BCAR1: variants seen among roughly 807,000 people sequenced by gnomAD.
The protein encoded by BCAR1 is BCAR1 scaffold protein, Cas family member.
Under a neutral mutation model 67.6 loss-of-function variants are expected in BCAR1, and 30 were observed. The observed-to-expected ratio is 0.44, with a 90% CI of 0.33 to 0.60. BCAR1 has a LOEUF of 0.60. BCAR1 is among the 20% of genes least tolerant of loss of function. The pLI is 0.02. For synonymous variants in BCAR1, 626 were observed against 556.7 expected, an observed-to-expected ratio of 1.12 and a Z score of -1.75; for missense variants, 1,313 against 1,222.3, an observed-to-expected ratio of 1.07 and a Z score of -1.11.
At chr16:75,255,445 A>G (rs1037860023), upstream of BCAR1, among the ~76,000 whole-genome samples, 3 of 152,222 alleles carry the variant, frequency 2.0e-5, no homozygotes, top group Non-Finnish European at 4.4e-5. Flanking sequence ...AACCAAGGCA[A>G]GGCTGGGCAA....
chr16:75,235,351 G>A lies in BCAR1; in HGVS notation c.1548C>T (p.His516=), dbSNP rs753840727. 50 of 1,602,024 alleles carry A rather than the reference G, an allele frequency of 3.1e-5. No homozygotes were observed. Among genetic ancestry groups the A allele is most frequent in the Middle Eastern group, 3.3e-4 (2 of 6,044 alleles). The change falls in exon 5 of 7, where the codon CAC becomes CAT. Residue 516 remains histidine, a synonymous_variant. Coordinates refer to ENST00000162330, the MANE Select transcript of BCAR1 (RefSeq NM_014567.5). The part of the protein sequence containing the change: ...AAVAAVQSAV[H]ELLEFARSAV... Reference sequence around the variant, plus strand: ...CGCTGCGGGCAAACTCCAACAGCTCGTGGACGGCACTCTGGACAGCGGCCA... The same window carrying A: ...CGCTGCGGGCAAACTCCAACAGCTCATGGACGGCACTCTGGACAGCGGCCA...
At position 75,248,187 on chromosome 16, in the gene BCAR1, G is replaced by A. The variant is rs765032779; in HGVS notation, c.12+3284C>T. Reference sequence around the variant, plus strand: ...TGGGTGGCTCCACTTTATCTCCACCGAGGGGTGACGCCTGGGTTCGTGGAA... The same window carrying A: ...TGGGTGGCTCCACTTTATCTCCACCAAGGGGTGACGCCTGGGTTCGTGGAA... On this transcript the variant is annotated intron_variant, in intron 1 of 6. Coordinates refer to ENST00000162330, the MANE Select transcript of BCAR1 (RefSeq NM_014567.5). 1.5e-5 allele frequency: 23 copies of A among 1,570,170 alleles called. 1 individual carries two copies. The highest frequency in any genetic ancestry group is 2.3e-5 in the South Asian group (2 of 86,450).
Position 75,235,782 on chromosome 16 carries a change from C to G in BCAR1, c.1117G>C (p.Asp373His), listed in dbSNP as rs751004421. The G allele has an allele frequency of 6.3e-7, 1 of 1,593,824 alleles. No homozygotes were observed. Among genetic ancestry groups the G allele is most frequent in the Non-Finnish European group, 8.6e-7 (1 of 1,169,212 alleles). The change falls in exon 5 of 7, where the codon GAC becomes CAC. Residue 373 changes from aspartate to histidine, a missense_variant. Coordinates refer to ENST00000162330, the MANE Select transcript of BCAR1 (RefSeq NM_014567.5). Reference protein sequence around the residue: ...DVPPPAPDLYDVPPGLRRPGP... With the variant: ...DVPPPAPDLYHVPPGLRRPGP... ...GGCCGCCGCAAGCCAGGGGGCACGT[C>G]GTAGAGGTCAGGAGCCGGGGGCGGC...
At chr16:75,240,428 G>C (rs527647134) in intron 2 of BCAR1, among the ~76,000 whole-genome samples, 1 of 152,308 alleles carries the variant, frequency 6.6e-6, no homozygotes, top group Non-Finnish European at 1.5e-5. Flanking sequence ...CAGCAGAGGG[G>C]GCAACCCAGC....
intron 6 of BCAR1, among the ~76,000 whole-genome samples, chr16:75,232,765 G>A (rs987386210): frequency 6.6e-6 from 1 of 152,122 alleles, no homozygotes; most frequent in African/African-American, 2.4e-5. Context: ...GTACTTCCCA[G>A]GCATCTTCCA....
chr16:75,261,180 A>T (rs1597286262), intron 1 of BCAR1, among the ~76,000 whole-genome samples: 1 of 152,210 alleles, frequency 6.6e-6, no homozygotes, highest in South Asian at 2.1e-4. Flanking sequence ...GAGGGAGACA[A>T]TGGCCCAGCA....
chr16:75,254,465 C>G (rs2077737261), upstream of BCAR1, among the ~76,000 whole-genome samples: 1 of 152,222 alleles, frequency 6.6e-6, no homozygotes, highest in Non-Finnish European at 1.5e-5. Flanking sequence ...AGAGGTGGCC[C>G]TCATGGGATA....
In BCAR1 at chr16:75,250,536, G is replaced by A. The variant is rs945194188; in HGVS notation, c.12+935C>T. Reference sequence around the variant, plus strand: ...GGGAAAGGAAACCAGGGACTCTCAGGAGGGAACGGGAGCCTTGTGGTAGAA... The same window carrying A: ...GGGAAAGGAAACCAGGGACTCTCAGAAGGGAACGGGAGCCTTGTGGTAGAA... On this transcript the variant is annotated intron_variant, in intron 1 of 6. Transcript: ENST00000162330. 5 of 695,830 alleles carry A rather than the reference G, an allele frequency of 7.2e-6. No homozygotes were observed. The African/African-American group carries it at 9.7e-5, about 14-fold the overall frequency. 43.1% of individuals were successfully genotyped at this position (695,830 alleles called of 1,614,324 possible).
chr16:75,241,951 G>A (rs2077356306), intron 2 of BCAR1, among the ~76,000 whole-genome samples: 1 of 152,136 alleles, frequency 6.6e-6, no homozygotes, highest in Non-Finnish European at 1.5e-5. Flanking sequence ...CAGGGGCAGC[G>A]TCCTCCCAGG....
chr16:75,262,214 G>A (rs1382845652), intron 1 of BCAR1, among the ~76,000 whole-genome samples: 2 of 152,188 alleles, frequency 1.3e-5, no homozygotes, highest in Non-Finnish European at 2.9e-5. Context: ...CTCTGCACGG[G>A]GATACAGCCA....
At chr16:75,266,784 A>G in intron 1 of BCAR1, 2 of 1,440,498 alleles carry the variant, frequency 1.4e-6, no homozygotes, top group South Asian at 1.4e-5. Flanking sequence ...GAGCATCTAG[A>G]GCAAGTGGGG....
chr16:75,233,843 C>A lies in BCAR1; in HGVS notation c.2100+3G>T, dbSNP rs1043566954. On this transcript the variant is annotated splice_donor_region_variant and intron_variant, in intron 6 of 6. Coordinates refer to ENST00000162330, the MANE Select transcript of BCAR1 (RefSeq NM_014567.5). ...TGGGCCTTGCTCTGCTCCGGGGCCT[C>A]ACCTGCTGCAACTCCAGCTGGCTCT... 6 of 1,600,960 alleles carry A rather than the reference C, an allele frequency of 3.7e-6. No individual in the cohort carries two copies. In the African/African-American group the frequency reaches 8.0e-5, roughly 21 times the overall value.
chr16:75,251,619 C>T lies in BCAR1; in HGVS notation c.-137G>A. The T allele has an allele frequency of 2.0e-6, 2 of 1,011,262 alleles. No individual in the cohort carries two copies. Among genetic ancestry groups the T allele is most frequent in the Non-Finnish European group, 1.2e-6 (1 of 848,110 alleles). The allele number at this position is 1,011,262 out of a possible 1,614,324, so 62.6% of individuals were successfully genotyped here. A position where few individuals can be genotyped will look rare whatever the true frequency, so the allele number is the denominator to read the frequency against. On this transcript the variant is annotated 5_prime_UTR_variant, in exon 1 of 7. Coordinates refer to ENST00000162330, the MANE Select transcript of BCAR1 (RefSeq NM_014567.5). The stretch of plus-strand genomic sequence containing the variant: ...AGCTGCCGCCTCGGCCACCCAGAGC[C>T]GGTCCAGCCGCTCTCCGCCTGCCGC...
At chr16:75,252,292 C>T, upstream of BCAR1, 3 of 1,536,690 alleles carry the variant, frequency 2.0e-6, no homozygotes, top group Non-Finnish European at 2.6e-6. Flanking sequence ...GCTGATCTGC[C>T]TCCTCTCATT....
Position 75,235,402 on chromosome 16 carries a change from C to T in BCAR1, c.1497G>A (p.Pro499=), listed in dbSNP as rs200154768. The change falls in exon 5 of 7, where the codon CCG becomes CCA. Residue 499 remains proline, a synonymous_variant. Transcript: ENST00000162330. ...SWRSPSEPQE[P]LVQDLQAAVA... ...CAGCAGCCTGCAGGTCCTGCACCAG[C>T]GGCTCCTGTGGCTCAGAGGGGCTAC... 17 of 1,607,202 alleles carry T rather than the reference C, an allele frequency of 1.1e-5. No homozygotes were observed. The highest frequency in any genetic ancestry group is 6.7e-5 in the African/African-American group (5 of 74,906).
At chr16:75,236,746 C>T in intron 4 of BCAR1, 136 bp downstream of exon 4, 1 of 1,380,564 alleles carries the variant, frequency 7.2e-7, no homozygotes, top group South Asian at 1.9e-5. Flanking sequence ...GTCAACCATC[C>T]AGAACCAGGG....
rs199823639 is a variant in BCAR1 at position 75,235,048 on chromosome 16, C to T, written c.1851G>A (p.Gly617=). ...TGGGGTTGGGGTGCAGGGTGCCACCCCCCTCAGGCCCCGGGGCAGTGGCCT... is the reference window on the plus strand; with the variant it reads ...TGGGGTTGGGGTGCAGGGTGCCACCTCCCTCAGGCCCCGGGGCAGTGGCCT... ...RTKATAPGPE[G]GGTLHPNPTD... Residue 617 remains glycine, a synonymous_variant, in exon 5 of 7, where the codon GGG becomes GGA. Transcript: ENST00000162330. 1.2e-6 allele frequency: 2 copies of T among 1,613,102 alleles called. No individual in the cohort carries two copies. The highest frequency in any genetic ancestry group is 1.3e-5 in the African/African-American group (1 of 74,946).
intron 1 of BCAR1, chr16:75,248,491 AC>A (rs2077587457): frequency 5.4e-6 from 2 of 371,166 alleles, no homozygotes; most frequent in African/African-American, 2.1e-5. Flanking sequence ...GGTCCTGATC[AC>A]CCCACTTGGT....
chr16:75,232,340 A>G (rs1007302070), intron 6 of BCAR1, among the ~76,000 whole-genome samples: 1 of 151,714 alleles, frequency 6.6e-6, no homozygotes, highest in Non-Finnish European at 1.5e-5. Context: ...TTGTATTTTT[A>G]GTAGAGATGG....
Sources: gnomAD v4.1 joint callset for allele counts (sites outside exome capture counted in the v4.1 genomes callset) on GRCh38, gnomAD v4.1.1 for gene constraint, MANE v1.5 for transcripts, NCBI Gene and HGNC (gene_info 2026-07-23, HGNC 2026-07-21) for gene names.